KCNH5: variants seen among roughly 807,000 people sequenced by gnomAD.
KCNH5 encodes the protein voltage-gated delayed rectifier potassium channel KCNH5.
Under a neutral mutation model 96.1 loss-of-function variants are expected in KCNH5, and 46 were observed. The ratio of observed to expected loss-of-function variants is 0.48; its 90% CI spans 0.38 to 0.61. KCNH5 has a LOEUF of 0.61. Ranked by LOEUF, KCNH5 falls within the 20% of genes least tolerant of loss-of-function variation. The pLI is 0.00. For missense variants in KCNH5, 907 were observed against 1,225.8 expected, an observed-to-expected ratio of 0.74 and a Z score of 3.88; for synonymous variants, 439 against 449.8, an observed-to-expected ratio of 0.98 and a Z score of 0.30.
At chr14:63,030,527 T>A (rs2139622508) in intron 1 of KCNH5, among the ~76,000 whole-genome samples, 1 of 152,276 alleles carries the variant, frequency 6.6e-6, no homozygotes, top group South Asian at 2.1e-4. Flanking sequence ...TTATTACCAG[T>A]GTTTCTCAAT....
chr14:62,715,302 T>C (rs1281124072), intron 10 of KCNH5, among the ~76,000 whole-genome samples: 1 of 152,214 alleles, frequency 6.6e-6, no homozygotes, highest in Non-Finnish European at 1.5e-5. Context: ...AAATGGCTCA[T>C]CACTTTCTAG....
intron 7 of KCNH5, among the ~76,000 whole-genome samples, chr14:62,852,031 T>C (rs1346678094): frequency 6.6e-6 from 1 of 152,204 alleles, no homozygotes; most frequent in Admixed American, 6.5e-5. Flanking sequence ...GTTTGGCCTA[T>C]TATAAAAATA....
chr14:62,906,626 C>T lies in KCNH5; in HGVS notation c.1369+43507G>A, dbSNP rs544136744. On this transcript the variant is annotated intron_variant, in intron 7 of 10. Transcript: ENST00000322893. ...ATATAGATGGGCTTTTCCCCTTTGG[C>T]TTTCTAATTGATATTGTTAAATTCA... Among the ~76,000 whole-genome samples, 5 of 152,264 alleles carry T rather than the reference C, an allele frequency of 3.3e-5. No homozygotes were observed. In the South Asian group the frequency reaches 1.0e-3, roughly 32 times the overall value.
intron 10 of KCNH5, among the ~76,000 whole-genome samples, chr14:62,771,018 T>C (rs1402385542): frequency 6.6e-6 from 1 of 152,106 alleles, no homozygotes; most frequent in Non-Finnish European, 1.5e-5. Context: ...TGTGTCTTTA[T>C]AACAAGAGAC....
intron 8 of KCNH5, among the ~76,000 whole-genome samples, chr14:62,833,665 T>A (rs1024422470): frequency 2.0e-5 from 3 of 152,050 alleles, no homozygotes; most frequent in Non-Finnish European, 2.9e-5. Flanking sequence ...ATGCCACTTT[T>A]TAAATAGTTA....
intron 6 of KCNH5, among the ~76,000 whole-genome samples, chr14:62,976,104 A>AG (rs1890493645): frequency 1.3e-5 from 2 of 151,856 alleles, no homozygotes; most frequent in South Asian, 4.2e-4. Context: ...ATTTAAAAAA[A>AG]AAAAAAAGGA....
At chr14:62,919,902 G>A (rs538614155) in intron 7 of KCNH5, among the ~76,000 whole-genome samples, 1 of 152,150 alleles carries the variant, frequency 6.6e-6, no homozygotes, top group South Asian at 2.1e-4. Flanking sequence ...GAGAGAGAGA[G>A]GTCAGCGAAG....
chr14:63,026,136 G>T (rs952630587), intron 1 of KCNH5, among the ~76,000 whole-genome samples: 2 of 152,032 alleles, frequency 1.3e-5, no homozygotes, highest in Non-Finnish European at 2.9e-5. Flanking sequence ...TTCAATCAAG[G>T]ATGTTGGGAA....
intron 8 of KCNH5, among the ~76,000 whole-genome samples, chr14:62,813,706 CT>C (rs1005773140): frequency 6.6e-6 from 1 of 152,140 alleles, no homozygotes; most frequent in African/African-American, 2.4e-5. Flanking sequence ...CTTCATGAAT[CT>C]AATGGAGCTG....
At chr14:62,771,234 T>C (rs1885978630) in intron 10 of KCNH5, among the ~76,000 whole-genome samples, 1 of 152,144 alleles carries the variant, frequency 6.6e-6, no homozygotes, top group African/African-American at 2.4e-5. Flanking sequence ...TATTTTGTGA[T>C]AGTAAGCCAA....
intron 10 of KCNH5, among the ~76,000 whole-genome samples, chr14:62,748,681 C>A (rs533302294): frequency 2.0e-5 from 3 of 152,078 alleles, no homozygotes; most frequent in Non-Finnish European, 4.4e-5. Context: ...TGGTGTCTTG[C>A]ATTTAGGGTA....
At chr14:63,032,618 T>C (rs556346007) in intron 1 of KCNH5, among the ~76,000 whole-genome samples, 89 of 152,326 alleles carry the variant, frequency 5.8e-4, no homozygotes, top group African/African-American at 2.1e-3. Flanking sequence ...TGGGTTTTAT[T>C]CAAAAGTTTA....
chr14:62,919,639 T>C (rs1889342853), intron 7 of KCNH5, among the ~76,000 whole-genome samples: 1 of 152,108 alleles, frequency 6.6e-6, no homozygotes, highest in Admixed American at 6.6e-5. Context: ...TAGGATGAAA[T>C]GAATCAATGT....
intron 10 of KCNH5, among the ~76,000 whole-genome samples, chr14:62,716,774 C>T (rs576623807): frequency 1.6e-4 from 25 of 152,126 alleles, no homozygotes; most frequent in Admixed American, 3.3e-4. Context: ...TTCTACTTAA[C>T]ATTGTATTGG....
intron 8 of KCNH5, among the ~76,000 whole-genome samples, chr14:62,808,419 G>T (rs1886812565): frequency 6.6e-6 from 1 of 152,080 alleles, no homozygotes; most frequent in African/African-American, 2.4e-5. Context: ...TTTTCTTAGA[G>T]CACTGATCTG....
intron 7 of KCNH5, among the ~76,000 whole-genome samples, chr14:62,934,657 G>C (rs1386509875): frequency 6.6e-6 from 1 of 152,170 alleles, no homozygotes; most frequent in Non-Finnish European, 1.5e-5. Flanking sequence ...TTCAAGAGGA[G>C]TGTGGTAACA....
At chr14:62,837,537 T>C (rs4899095) in intron 8 of KCNH5, among the ~76,000 whole-genome samples, 16,385 of 152,244 alleles carry the variant, frequency 0.11, 1,116 homozygotes, top group East Asian at 0.29. Flanking sequence ...TTTTATTACA[T>C]AGTAAATAAG....
At chr14:63,033,504 G>A (rs142704503) in intron 1 of KCNH5, among the ~76,000 whole-genome samples, 1,858 of 152,186 alleles carry the variant, frequency 0.012, 17 homozygotes, top group Middle Eastern at 0.021. Context: ...CAATGCACAC[G>A]ATCATCAAAC....
At chr14:62,763,865 CAA>C (rs2139958694) in intron 10 of KCNH5, among the ~76,000 whole-genome samples, 1 of 152,200 alleles carries the variant, frequency 6.6e-6, no homozygotes, top group African/African-American at 2.4e-5. Context: ...AGACCAATAA[CAA>C]GTTTCAAAAT....
Sources: gnomAD v4.1 joint callset for allele counts (sites outside exome capture counted in the v4.1 genomes callset) on GRCh38, gnomAD v4.1.1 for gene constraint, MANE v1.5 for transcripts, NCBI Gene and HGNC (gene_info 2026-07-23, HGNC 2026-07-21) for gene names.